The following CACFD1 variants were observed in gnomAD, a reference collection of about 807,000 sequenced individuals.
The protein encoded by CACFD1 is calcium channel flower homolog.
Under a neutral mutation model 21.3 loss-of-function variants are expected in CACFD1, and 26 were observed. That is an observed-to-expected ratio of 1.22 (90% CI 0.89 to 1.69). The LOEUF is 1.69. CACFD1 is among the 40% of genes most tolerant of loss of function. CACFD1 has a pLI of 0.00. For synonymous variants in CACFD1, 121 were observed against 106.6 expected, an observed-to-expected ratio of 1.13 and a Z score of -0.83; for missense variants, 265 against 236.2, an observed-to-expected ratio of 1.12 and a Z score of -0.80.
chr9:133,460,881 G>A (rs1554798387), intron 1 of CACFD1, among the ~76,000 whole-genome samples: 1 of 152,086 alleles, frequency 6.6e-6, no homozygotes, highest in African/African-American at 2.4e-5. Context: ...CCCCTTCTCC[G>A]CACGCATCCC....
At chr9:133,462,210 G>C (rs782540704) in intron 1 of CACFD1, 1 of 1,304,264 alleles carries the variant, frequency 7.7e-7, no homozygotes, top group Admixed American at 2.3e-5. Flanking sequence ...AAGCACAGCC[G>C]AGCTGTCAGG....
rs980723713 is a variant in CACFD1, at chr9:133,465,749, G to A, written c.320+302G>A. ...TGGGAAGCGTCTGGAATTTTGGTCC[G>A]TCCACTGGGAGTTGTTAACCAGATG... is the stretch of plus-strand genomic sequence containing the variant. On this transcript the variant is annotated intron_variant, in intron 3 of 4. Coordinates refer to ENST00000316948, the MANE Select transcript of CACFD1 (RefSeq NM_017586.5). This position sits in a 1 kb window ranked among gnomAD's most constrained non-coding sequence, Gnocchi z 5.0. The A allele has an allele frequency of 1.7e-4, 56 of 330,108 alleles. No homozygotes were observed. In the East Asian group the frequency reaches 1.8e-3, roughly 11 times the overall value. The allele number at this position is 330,108 out of a possible 1,614,324, so 20.4% of individuals were successfully genotyped here. A position where few individuals can be genotyped will look rare whatever the true frequency, so the allele number is the denominator to read the frequency against.
chr9:133,470,403 CA>C lies in CACFD1; in HGVS notation c.*1751del, dbSNP rs1554800972. The C allele has an allele frequency of 1.3e-5, 2 of 152,496 alleles. No homozygotes were observed. The highest frequency in any genetic ancestry group is 4.8e-5 in the African/African-American group (2 of 41,452). 9.4% of individuals were successfully genotyped at this position (152,496 alleles called of 1,614,324 possible). On this transcript the variant is annotated 3_prime_UTR_variant, in exon 5 of 5. Coordinates refer to ENST00000316948, the MANE Select transcript of CACFD1 (RefSeq NM_017586.5). ...GCCCTTTCCAGAGGGGTCTCACTGACAGCCAGAGACAGCAGGAGAAGGGTTG... is the reference window on the plus strand; with the variant it reads ...GCCCTTTCCAGAGGGGTCTCACTGACGCCAGAGACAGCAGGAGAAGGGTTG...
In CACFD1 at chr9:133,470,194, T is replaced by C. The variant is rs1843629573; in HGVS notation, c.*1541T>C. ...CCAGTGCTGGGTTCAAAGGGCTGTG[T>C]GTGTGTGTGTGTGTGTGTGTGTGTG... On this transcript the variant is annotated 3_prime_UTR_variant, in exon 5 of 5. Transcript: ENST00000316948. 1 of 4,098 alleles carries C rather than the reference T, an allele frequency of 2.4e-4. No individual in the cohort carries two copies. Among genetic ancestry groups the C allele is most frequent in the African/African-American group, 3.0e-4 (1 of 3,388 alleles). The allele number at this position is 4,098 out of a possible 1,614,324, so 0.3% of individuals were successfully genotyped here.
rs1017043052 is a variant in CACFD1, at chr9:133,469,082, C to T, written c.*429C>T. The T allele has an allele frequency of 4.8e-6, 1 of 207,386 alleles. No homozygotes were observed. The highest frequency in any genetic ancestry group is 2.3e-5 in the African/African-American group (1 of 43,548). The allele number at this position is 207,386 out of a possible 1,614,324, so 12.8% of individuals were successfully genotyped here. The stretch of plus-strand genomic sequence containing the variant: ...CCAGCTCTCTTAGCAGGTGGAGCCC[C>T]AGGGCCTGGGACAGCCTGCCGCTGC... On this transcript the variant is annotated 3_prime_UTR_variant, in exon 5 of 5. Transcript: ENST00000316948.
At chr9:133,466,540 C>T (rs889302611) in intron 3 of CACFD1, among the ~76,000 whole-genome samples, 3 of 151,924 alleles carry the variant, frequency 2.0e-5, no homozygotes, top group South Asian at 2.1e-4. Context: ...TCATGCTGTT[C>T]TTAATTTCTT....
chr9:133,465,167 A>G lies in CACFD1; in HGVS notation c.195-155A>G. 2.6e-6 allele frequency: 2 copies of G among 774,654 alleles called. No homozygotes were observed. Among genetic ancestry groups the G allele is most frequent in the Non-Finnish European group, 4.4e-6 (2 of 453,590 alleles). The allele number at this position is 774,654 out of a possible 1,614,324, so 48.0% of individuals were successfully genotyped here. A position where few individuals can be genotyped will look rare whatever the true frequency, so the allele number is the denominator to read the frequency against. On this transcript the variant is annotated intron_variant, in intron 2 of 4. Transcript: ENST00000316948. The surrounding 1 kb of genome is among the most constrained non-coding windows in gnomAD (Gnocchi z 5.0). ...CAGAGGCTCTCCGAGGGGTACGAGC[A>G]GGTGCCCTGGAGCAGCCGGGCGGCT...
chr9:133,467,659 G>A (rs782502606), intron 3 of CACFD1, among the ~76,000 whole-genome samples: 1 of 152,132 alleles, frequency 6.6e-6, no homozygotes, highest in Non-Finnish European at 1.5e-5. Context: ...GGACCATCTC[G>A]TTACTGTTTA....
rs998564491 is a variant in CACFD1 at position 133,464,106 on chromosome 9, C to T, written c.194+551C>T. Among the ~76,000 whole-genome samples, 8 of 152,198 alleles carry T rather than the reference C, an allele frequency of 5.3e-5. No individual in the cohort carries two copies. The East Asian group carries it at 7.7e-4, about 15-fold the overall frequency. ...CCATGCCCACCTCCTGCCAGGGTTT[C>T]GCCATCCCATCGGAAGGGAAGGCGG... On this transcript the variant is annotated intron_variant, in intron 2 of 4. Transcript: ENST00000316948.
intron 1 of CACFD1, 194 bp from the exon 2 acceptor site, chr9:133,463,289 C>A: frequency 5.1e-6 from 3 of 583,048 alleles, no homozygotes; most frequent in Non-Finnish European, 6.5e-6. Flanking sequence ...GGGCCTGGGG[C>A]AAGCAAGGCA....
At chr9:133,461,817 T>C in intron 1 of CACFD1, 1 of 958,788 alleles carries the variant, frequency 1.0e-6, no homozygotes, top group Non-Finnish European at 1.2e-6. Context: ...TATTACAGGG[T>C]AGAATGCAAA....
chr9:133,468,787 T>G lies in CACFD1; in HGVS notation c.*134T>G. ...TGTCCCTACACCTGGAGTCCTCTGC[T>G]CCTTTCTCCAGACTGGCTTAAGCCA... On this transcript the variant is annotated 3_prime_UTR_variant, in exon 5 of 5. Transcript: ENST00000316948. 1 of 1,399,802 alleles carries G rather than the reference T, an allele frequency of 7.1e-7. No individual in the cohort carries two copies. The highest frequency in any genetic ancestry group is 2.5e-5 in the East Asian group (1 of 39,456). The allele number at this position is 1,399,802 out of a possible 1,614,324, so 86.7% of individuals were successfully genotyped here.
chr9:133,466,700 G>A (rs984828707), intron 3 of CACFD1, among the ~76,000 whole-genome samples: 3 of 152,196 alleles, frequency 2.0e-5, no homozygotes, highest in African/African-American at 7.2e-5. Context: ...TGGCTACGTT[G>A]CTTTCCAAAG....
rs781921467 is a variant in CACFD1 at position 133,460,093 on chromosome 9, G to A, written c.27G>A (p.Gly9=). The A allele has an allele frequency of 1.3e-6, 2 of 1,563,012 alleles. No homozygotes were observed. The highest frequency in any genetic ancestry group is 1.4e-5 in the African/African-American group (1 of 73,118). ...TGAGCAGCTCAGGTGGGGCGCCCGG[G>A]GCGTCCGCCAGCTCTGCGCCGCCCG... The part of the protein sequence containing the change: MSSSGGAP[G]ASASSAPPAQ... The change falls in exon 1 of 5, where the codon GGG becomes GGA. Residue 9 remains glycine, a synonymous_variant. Coordinates refer to ENST00000316948, the MANE Select transcript of CACFD1 (RefSeq NM_017586.5).
intron 1 of CACFD1, 104 bp from the exon 2 acceptor site, chr9:133,463,379 C>T: frequency 6.3e-7 from 1 of 1,588,116 alleles, no homozygotes; most frequent in South Asian, 1.1e-5. Flanking sequence ...GTGTGCTGAG[C>T]ATCCGCAGAG....
rs1843624960 is a variant in CACFD1, at chr9:133,470,134, GC to G, written c.*1483del. 6.5e-6 allele frequency: 1 copy of G among 153,100 alleles called. No homozygotes were observed. The highest frequency in any genetic ancestry group is 1.5e-5 in the Non-Finnish European group (1 of 68,436). The allele number at this position is 153,100 out of a possible 1,614,324, so 9.5% of individuals were successfully genotyped here. On this transcript the variant is annotated 3_prime_UTR_variant, in exon 5 of 5. Coordinates refer to ENST00000316948, the MANE Select transcript of CACFD1 (RefSeq NM_017586.5). ...GGGCATTATAGCCTGGTGGACATGT[GC>G]CTTCAGGGTTCCTCCGGGGCCACCT...
rs1037677256 is a variant in CACFD1, at chr9:133,465,269, T to G, written c.195-53T>G. On this transcript the variant is annotated intron_variant, in intron 2 of 4. Coordinates refer to ENST00000316948, the MANE Select transcript of CACFD1 (RefSeq NM_017586.5). This position sits in a 1 kb window ranked among gnomAD's most constrained non-coding sequence, Gnocchi z 5.0. ...ATGGCACTGGCACTGGGGGCCGCCC[T>G]CATCCTCCTGGGATTGTCAGTCGCT... The G allele has an allele frequency of 4.4e-6, 7 of 1,608,586 alleles. No homozygotes were observed. Among genetic ancestry groups the G allele is most frequent in the Non-Finnish European group, 5.9e-6 (7 of 1,177,602 alleles).
At position 133,465,020 on chromosome 9, in the gene CACFD1, C is replaced by G. The variant is rs1316997870; in HGVS notation, c.195-302C>G. 1 of 340,740 alleles carries G rather than the reference C, an allele frequency of 2.9e-6. No homozygotes were observed. Among genetic ancestry groups the G allele is most frequent in the Non-Finnish European group, 5.4e-6 (1 of 184,282 alleles). The allele number at this position is 340,740 out of a possible 1,614,324, so 21.1% of individuals were successfully genotyped here. A position where few individuals can be genotyped will look rare whatever the true frequency, so the allele number is the denominator to read the frequency against. On this transcript the variant is annotated intron_variant, in intron 2 of 4. Transcript: ENST00000316948. The surrounding 1 kb of genome is among the most constrained non-coding windows in gnomAD (Gnocchi z 5.0). The stretch of plus-strand genomic sequence containing the variant: ...GTGCCATGATGTGGGGTCCCCTTTC[C>G]TCCATGTCACACAGGAGGAGGATAA...
intron 1 of CACFD1, 72 bp from the exon 2 acceptor site, chr9:133,463,411 C>T (rs1446665116): frequency 2.5e-6 from 4 of 1,609,324 alleles, no homozygotes; most frequent in Non-Finnish European, 2.5e-6. Flanking sequence ...TTCCAGTCAT[C>T]TCCCAAGGCC....
Sources: allele counts gnomAD v4.1 joint callset (sites outside exome capture counted in the v4.1 genomes callset), GRCh38; gene constraint gnomAD v4.1.1; non-coding constraint Gnocchi (gnomAD v3.1); transcripts MANE v1.5; gene names NCBI Gene and HGNC (gene_info 2026-07-23, HGNC 2026-07-21).